PHF20: variants seen among roughly 807,000 people sequenced by gnomAD.
PHF20 encodes the protein glioma-expressed antigen 2.
In PHF20, 23 loss-of-function variants were observed where a neutral mutation model predicts 113.5. The observed-to-expected ratio is 0.20, with a 90% CI of 0.15 to 0.29. PHF20 has a LOEUF of 0.29. Ranked by LOEUF, PHF20 falls within the 10% of genes least tolerant of loss-of-function variation. PHF20 has a pLI of 1.00. For synonymous variants in PHF20, 434 were observed against 457.3 expected (o/e 0.95, Z 0.65); for missense variants, 943 against 1,219.6 (o/e 0.77, Z 3.38).
At chr20:35,908,817 T>G (rs1176917761) in intron 10 of PHF20, among the ~76,000 whole-genome samples, 1 of 152,212 alleles carries the variant, frequency 6.6e-6, no homozygotes, top group Non-Finnish European at 1.5e-5. Context: ...GCTATTTCTT[T>G]ATTTCAAATT....
At chr20:35,888,971 C>T (rs2054790974) in intron 9 of PHF20, among the ~76,000 whole-genome samples, 1 of 149,902 alleles carries the variant, frequency 6.7e-6, no homozygotes, top group Non-Finnish European at 1.5e-5. Flanking sequence ...GACTTTGGCC[C>T]AGCAGGCCCA....
chr20:35,844,208 T>C (rs2042580103), intron 3 of PHF20, among the ~76,000 whole-genome samples: 1 of 151,842 alleles, frequency 6.6e-6, no homozygotes, highest in African/African-American at 2.4e-5. Context: ...GTTCAAGCGA[T>C]TCCCCTGCCT....
At chr20:35,924,382 C>T (rs1245342069) in intron 13 of PHF20, among the ~76,000 whole-genome samples, 2 of 150,866 alleles carry the variant, frequency 1.3e-5, no homozygotes, top group Non-Finnish European at 3.0e-5. Flanking sequence ...TTAGTAGAGG[C>T]AGGGTTTCTC....
chr20:35,896,367 G>T (rs966150978), intron 9 of PHF20, among the ~76,000 whole-genome samples: 4 of 151,876 alleles, frequency 2.6e-5, no homozygotes, highest in African/African-American at 7.3e-5. Context: ...ATTGCATACC[G>T]AATTCCTAAT....
At chr20:35,773,288 C>G (rs1288758571) in intron 1 of PHF20, among the ~76,000 whole-genome samples, 1 of 152,170 alleles carries the variant, frequency 6.6e-6, no homozygotes, top group Non-Finnish European at 1.5e-5. Context: ...TTGAGCATGC[C>G]TTCCTACCCT....
At chr20:35,914,854 C>T (rs925990665) in intron 12 of PHF20, among the ~76,000 whole-genome samples, 8 of 150,756 alleles carry the variant, frequency 5.3e-5, no homozygotes, top group Non-Finnish European at 1.2e-4. Flanking sequence ...ATCCCAGCTA[C>T]TCGGGAGGTT....
At chr20:35,856,959 T>G (rs770761665) in intron 4 of PHF20, among the ~76,000 whole-genome samples, 6 of 152,188 alleles carry the variant, frequency 3.9e-5, no homozygotes, top group Non-Finnish European at 7.3e-5. Context: ...TACCCGTGAT[T>G]AGCCATTGAC....
chr20:35,813,933 GAAAAAAAAAAA>G lies in PHF20; in HGVS notation c.83+12342_83+12352del, dbSNP rs57769210. 1.6e-4 allele frequency among the ~76,000 whole-genome samples: 4 copies of G among 25,002 alleles called. No individual in the cohort carries two copies. In the East Asian group the frequency reaches 4.3e-3, roughly 27 times the overall value. The allele number at this position is 25,002 out of a possible 152,430, so 16.4% of individuals were successfully genotyped here. On this transcript the variant is annotated intron_variant, in intron 2 of 17. Coordinates refer to ENST00000374012, the MANE Select transcript of PHF20 (RefSeq NM_016436.5). Reference sequence around the variant, plus strand: ...GGTGACAGAGTGAGACTCCGTCTCAGAAAAAAAAAAAAAAAAAAAAAAAAGGAAATTGACCT... The same window carrying G: ...GGTGACAGAGTGAGACTCCGTCTCAGAAAAAAAAAAAAAGGAAATTGACCT...
chr20:35,947,486 G>A lies in PHF20; in HGVS notation c.2898G>A (p.Val966=). Residue 966 remains valine (V), a splice_region_variant and synonymous_variant, in exon 18 of 18, where the codon GTG becomes GTA. Transcript: ENST00000374012. ...RMDSIEKELD[V]LESWLDYTGE... ...CTCATCTCTCTCTTCTGCCGACAGT[G>A]TTGGAGAGCTGGCTGGACTACACTG... 3 of 1,613,990 alleles carry A rather than the reference G, an allele frequency of 1.9e-6. No individual in the cohort carries two copies. The highest frequency in any genetic ancestry group is 2.5e-6 in the Non-Finnish European group (3 of 1,179,882).
intron 2 of PHF20, among the ~76,000 whole-genome samples, chr20:35,819,971 G>A (rs997827856): frequency 6.6e-6 from 1 of 151,602 alleles, no homozygotes; most frequent in African/African-American, 2.4e-5. Context: ...TATGAAGGGG[G>A]TACTTTTATT....
chr20:35,931,179 T>C, intron 14 of PHF20, 70 bp from the exon 15 acceptor site: 1 of 1,022,306 alleles, frequency 9.8e-7, no homozygotes, highest in Non-Finnish European at 1.5e-6. Flanking sequence ...ATGATAATTG[T>C]GTGAGAGTGA....
chr20:35,876,534 G>A (rs1333207221), intron 9 of PHF20, among the ~76,000 whole-genome samples: 1 of 152,040 alleles, frequency 6.6e-6, no homozygotes, highest in Admixed American at 6.5e-5. Flanking sequence ...TTGCGCCCCT[G>A]CACCCAGCTT....
At chr20:35,919,965 C>T (rs1427354538) in intron 13 of PHF20, among the ~76,000 whole-genome samples, 2 of 152,198 alleles carry the variant, frequency 1.3e-5, no homozygotes, top group African/African-American at 4.8e-5. Flanking sequence ...GGCATAATCA[C>T]TAGAGCTTAT....
intron 14 of PHF20, 124 bp downstream of exon 14, chr20:35,928,003 C>A: frequency 1.4e-6 from 1 of 713,076 alleles, no homozygotes; most frequent in Non-Finnish European, 2.5e-6. Flanking sequence ...TAGACTCCAG[C>A]TCCTCCTCGC....
At chr20:35,780,999 A>G (rs1432757302) in intron 1 of PHF20, among the ~76,000 whole-genome samples, 1 of 148,582 alleles carries the variant, frequency 6.7e-6, no homozygotes, top group African/African-American at 2.5e-5. Context: ...GATTACAGGC[A>G]TGTGCCAACA....
rs376535399 is a variant in PHF20 at position 35,919,306 on chromosome 20, C to T, written c.2004+1644C>T. Among the ~76,000 whole-genome samples, 16 of 151,164 alleles carry T rather than the reference C, an allele frequency of 1.1e-4. 1 individual carries two copies. Among genetic ancestry groups the T allele is most frequent in the East Asian group, 5.8e-4 (3 of 5,142 alleles). On this transcript the variant is annotated intron_variant, in intron 13 of 17. Coordinates refer to ENST00000374012, the MANE Select transcript of PHF20 (RefSeq NM_016436.5). ...TATTGGGATTACAGGCGTGAGCCAC[C>T]GCGCCTGGCAAAATATTTTTGTTAT...
chr20:35,835,250 G>C (rs2042420019), intron 2 of PHF20, among the ~76,000 whole-genome samples: 2 of 152,082 alleles, frequency 1.3e-5, no homozygotes, highest in Admixed American at 6.6e-5. Flanking sequence ...ACTCCAGTCT[G>C]GGCGACAGAG....
intron 1 of PHF20, among the ~76,000 whole-genome samples, chr20:35,781,823 TG>T (rs1312986940): frequency 6.6e-6 from 1 of 152,104 alleles, no homozygotes; most frequent in Non-Finnish European, 1.5e-5. Context: ...CACATGCCTG[TG>T]ATCCCAGCCA....
chr20:35,912,639 C>G (rs2055327739), intron 10 of PHF20, among the ~76,000 whole-genome samples: 1 of 152,108 alleles, frequency 6.6e-6, no homozygotes, highest in Non-Finnish European at 1.5e-5. Context: ...CAAGACCAGC[C>G]TGGCCGAAAT....
Sources: allele counts gnomAD v4.1 joint callset (sites outside exome capture counted in the v4.1 genomes callset), GRCh38; gene constraint gnomAD v4.1.1; transcripts MANE v1.5; gene names NCBI Gene and HGNC (gene_info 2026-07-23, HGNC 2026-07-21).